The following PIK3CG variants were observed in gnomAD, a reference collection of about 807,000 sequenced individuals.
PIK3CG encodes the protein phosphatidylinositol-4,5-bisphosphate 3-kinase catalytic subunit gamma, also known as phosphatidylinositol 4,5-bisphosphate 3-kinase catalytic subunit gamma isoform.
In PIK3CG, 55 loss-of-function variants were observed where a neutral mutation model predicts 102.3. The observed-to-expected ratio is 0.54, with a 90% CI of 0.43 to 0.67. The LOEUF is 0.67. Ranked by LOEUF, PIK3CG falls within the 30% of genes least tolerant of loss-of-function variation. The pLI is 0.00. For synonymous variants in PIK3CG, 552 were observed against 540.0 expected (o/e 1.02, Z -0.31); for missense variants, 1,258 against 1,391.8 (o/e 0.90, Z 1.53).
rs1238128055 is a variant in PIK3CG at position 106,907,448 on chromosome 7, G to A, written c.*2061G>A. Among the ~76,000 whole-genome samples the A allele has an allele frequency of 6.6e-6, 1 of 152,122 alleles. No homozygotes were observed. The highest frequency in any genetic ancestry group is 2.4e-5 in the African/African-American group (1 of 41,426). On this transcript the variant is annotated 3_prime_UTR_variant, in exon 11 of 11. Transcript: ENST00000496166. ...TGTTTATTCCTATCTATAAATGGAGGATAAACATTTTGTGGCACTTCTGGA... is the reference window on the plus strand; with the variant it reads ...TGTTTATTCCTATCTATAAATGGAGAATAAACATTTTGTGGCACTTCTGGA...
chr7:106,885,226 A>G (rs1791051447), intron 9 of PIK3CG, among the ~76,000 whole-genome samples: 1 of 152,154 alleles, frequency 6.6e-6, no homozygotes, highest in Non-Finnish European at 1.5e-5. Context: ...GAGGCAGGAA[A>G]TGAGTCTTAA....
At position 106,893,232 on chromosome 7, in the gene PIK3CG, C is replaced by G. The variant is rs1791312025; in HGVS notation, c.3030+6940C>G. Among the ~76,000 whole-genome samples the G allele has an allele frequency of 6.6e-6, 1 of 152,172 alleles. No individual in the cohort carries two copies. On this transcript the variant is annotated intron_variant, in intron 10 of 10. Coordinates refer to ENST00000496166, the MANE Select transcript of PIK3CG (RefSeq NM_001282426.2). The surrounding 1 kb of genome is among the most constrained non-coding windows in gnomAD (Gnocchi z 4.4). ...ACTGACTAGGCCAGGCTCAGGCTCCCCTGTCTCAGTGTGAAGACTTTCAGT... is the reference window on the plus strand; with the variant it reads ...ACTGACTAGGCCAGGCTCAGGCTCCGCTGTCTCAGTGTGAAGACTTTCAGT...
Position 106,869,101 on chromosome 7 carries a change from A to G in PIK3CG, c.1540A>G (p.Met514Val), listed in dbSNP as rs199845412. Reference protein sequence around the residue: ...SATNPDKENSMSISILLDNYC... With the variant: ...SATNPDKENSVSISILLDNYC... ...AACTAACCCAGACAAGGAGAACTCAATGTCCATCTCCATTCTTCTGGACAA... is the reference window on the plus strand; with the variant it reads ...AACTAACCCAGACAAGGAGAACTCAGTGTCCATCTCCATTCTTCTGGACAA... The change falls in exon 2 of 11, where the codon ATG (methionine) becomes GTG (valine). Residue 514 changes from methionine (M) to valine (V), a missense_variant. Physicochemically the swap from Met to Val is conservative, Grantham distance 21 (BLOSUM62 1). Around this residue, in one of 2 missense-constraint regions of PIK3CG, gnomAD observed 832 missense variants for 787.5 expected, o/e 1.06. Coordinates refer to ENST00000496166, the MANE Select transcript of PIK3CG (RefSeq NM_001282426.2). This position sits in a 1 kb window ranked among gnomAD's most constrained non-coding sequence, Gnocchi z 5.3. 4.1e-5 allele frequency: 66 copies of G among 1,614,084 alleles called. No homozygotes were observed. Among genetic ancestry groups the G allele is most frequent in the Middle Eastern group, 3.3e-4 (2 of 6,084 alleles).
At chr7:106,885,995 C>A in intron 9 of PIK3CG, 140 bp from the exon 10 acceptor site, 1 of 736,132 alleles carries the variant, frequency 1.4e-6, no homozygotes, top group Non-Finnish European at 2.1e-6. Flanking sequence ...CCTGCTAAGA[C>A]GAAAAATATC....
intron 6 of PIK3CG, among the ~76,000 whole-genome samples, chr7:106,881,531 C>CACA (rs1790934393): frequency 6.6e-6 from 1 of 152,052 alleles, no homozygotes. Context: ...AGGTGATGAA[C>CACA]CACAGCTAAA....
In PIK3CG at chr7:106,905,508, T is replaced by C. The variant is rs1791664578; in HGVS notation, c.*121T>C. 1.1e-6 allele frequency: 1 copy of C among 897,714 alleles called. No homozygotes were observed. Among genetic ancestry groups the C allele is most frequent in the Non-Finnish European group, 1.7e-6 (1 of 590,868 alleles). The allele number at this position is 897,714 out of a possible 1,614,324, so 55.6% of individuals were successfully genotyped here. A position where few individuals can be genotyped will look rare whatever the true frequency, so the allele number is the denominator to read the frequency against. On this transcript the variant is annotated 3_prime_UTR_variant, in exon 11 of 11. Coordinates refer to ENST00000496166, the MANE Select transcript of PIK3CG (RefSeq NM_001282426.2). This position sits in a 1 kb window ranked among gnomAD's most constrained non-coding sequence, Gnocchi z 5.6. ...AAAGCTGGCATTTCAGAAGTATAGCTCTTTTCCTACCTGAACTCTTCCCTG... is the reference window on the plus strand; with the variant it reads ...AAAGCTGGCATTTCAGAAGTATAGCCCTTTTCCTACCTGAACTCTTCCCTG...
At position 106,868,637 on chromosome 7, in the gene PIK3CG, G is replaced by T. The variant is rs144565710; in HGVS notation, c.1076G>T (p.Arg359Leu). ...VFTVSLWDCD[R>L]KFRVKIRGID... ...ACCGTGTCCCTGTGGGACTGCGACC[G>T]CAAGTTCAGGGTCAAGATCAGAGGC... Residue 359 changes from arginine to leucine, a missense_variant, in exon 2 of 11, where the codon CGC becomes CTC. By Grantham distance (102) the Arg-to-Leu change is moderately radical. Around this residue, in one of 2 missense-constraint regions of PIK3CG, gnomAD observed 832 missense variants for 787.5 expected, o/e 1.06. Coordinates refer to ENST00000496166, the MANE Select transcript of PIK3CG (RefSeq NM_001282426.2). The surrounding 1 kb of genome is among the most constrained non-coding windows in gnomAD (Gnocchi z 6.2). The T allele has an allele frequency of 2.5e-6, 4 of 1,614,200 alleles. No individual in the cohort carries two copies. The highest frequency in any genetic ancestry group is 3.4e-6 in the Non-Finnish European group (4 of 1,180,038).
intron 10 of PIK3CG, among the ~76,000 whole-genome samples, chr7:106,904,523 T>C (rs1791640574): frequency 1.3e-5 from 2 of 152,202 alleles, no homozygotes; most frequent in Non-Finnish European, 2.9e-5. Flanking sequence ...CCATGAGCCA[T>C]AGCATTTTTT....
At position 106,895,788 on chromosome 7, in the gene PIK3CG, G is replaced by A. The variant is rs1364856939; in HGVS notation, c.3031-9321G>A. On this transcript the variant is annotated intron_variant, in intron 10 of 10. Coordinates refer to ENST00000496166, the MANE Select transcript of PIK3CG (RefSeq NM_001282426.2). This position sits in a 1 kb window ranked among gnomAD's most constrained non-coding sequence, Gnocchi z 5.4. ...AAATCTCACCACAACAACATGAAAT[G>A]GGTATCATTCTTATTATTCTTAATC... is the stretch of plus-strand genomic sequence containing the variant. Among the ~76,000 whole-genome samples, 1 of 152,162 alleles carries A rather than the reference G, an allele frequency of 6.6e-6. No individual in the cohort carries two copies. The highest frequency in any genetic ancestry group is 1.5e-5 in the Non-Finnish European group (1 of 68,026).
At position 106,905,213 on chromosome 7, in the gene PIK3CG, A is replaced by G. The variant is rs2116618155; in HGVS notation, c.3135A>G (p.Lys1045=). The change falls in exon 11 of 11, where the codon AAA becomes AAG. Residue 1045 remains lysine (K), a synonymous_variant. Coordinates refer to ENST00000496166, the MANE Select transcript of PIK3CG (RefSeq NM_001282426.2). This position sits in a 1 kb window ranked among gnomAD's most constrained non-coding sequence, Gnocchi z 5.6. The stretch of plus-strand genomic sequence containing the variant: ...CAGGAATGCCCCAGTTAACAAGCAA[A>G]GAAGACATTGAATATATCCGGGATG... ...LMTGMPQLTS[K]EDIEYIRDAL... 5 of 1,614,168 alleles carry G rather than the reference A, an allele frequency of 3.1e-6. No homozygotes were observed. The highest frequency in any genetic ancestry group is 4.2e-6 in the Non-Finnish European group (5 of 1,180,002).
In PIK3CG at chr7:106,907,127, A is replaced by T. The variant is rs544936583; in HGVS notation, c.*1740A>T. 5.4e-6 allele frequency: 1 copy of T among 186,138 alleles called. No individual in the cohort carries two copies. The highest frequency in any genetic ancestry group is 6.2e-5 in the Admixed American group (1 of 16,160). The allele number at this position is 186,138 out of a possible 1,614,324, so 11.5% of individuals were successfully genotyped here. A position where few individuals can be genotyped will look rare whatever the true frequency, so the allele number is the denominator to read the frequency against. On this transcript the variant is annotated 3_prime_UTR_variant, in exon 11 of 11. Transcript: ENST00000496166. The stretch of plus-strand genomic sequence containing the variant: ...CAGAGCGAGACCCTGTCTCAAAAAA[A>T]TAAAATAAAAAATAAAAACACCCTT...
rs1233096819 is a variant in PIK3CG, at chr7:106,867,841, C to T, written c.280C>T (p.His94Tyr). 4 of 1,612,682 alleles carry T rather than the reference C, an allele frequency of 2.5e-6. No homozygotes were observed. The highest frequency in any genetic ancestry group is 3.4e-6 in the Non-Finnish European group (4 of 1,179,974). Residue 94 changes from histidine (H) to tyrosine (Y), a missense_variant, in exon 2 of 11, where the codon CAT becomes TAT. Physicochemically the swap from His to Tyr is moderately conservative, Grantham distance 83. Coordinates refer to ENST00000496166, the MANE Select transcript of PIK3CG (RefSeq NM_001282426.2). The surrounding 1 kb of genome is among the most constrained non-coding windows in gnomAD (Gnocchi z 5.1). ...GGACTTCTACCACCGGCTGGGACCG[C>T]ATCACTTCCTCCTGCTCTATCAGAA... is the stretch of plus-strand genomic sequence containing the variant. Reference protein sequence around the residue: ...AADFYHRLGPHHFLLLYQKKG... With the variant: ...AADFYHRLGPYHFLLLYQKKG...
chr7:106,867,640 AGT>A lies in PIK3CG; in HGVS notation c.81_82del (p.Ala28CysfsTer133). On this transcript the variant is annotated frameshift_variant, in exon 2 of 11. Coordinates refer to ENST00000496166, the MANE Select transcript of PIK3CG (RefSeq NM_001282426.2). LOFTEE classifies it high-confidence loss of function. This position sits in a 1 kb window ranked among gnomAD's most constrained non-coding sequence, Gnocchi z 5.1. ...CRRRRRMKPR[S>X]AAASLSSMEL... The stretch of plus-strand genomic sequence containing the variant: ...AAGGCGCCGGAGGATGAAGCCGCGC[AGT>A]GCTGCGGCCAGCCTGTCCTCCATGG... 1 of 1,613,066 alleles carries A rather than the reference AGT, an allele frequency of 6.2e-7. No homozygotes were observed. Among genetic ancestry groups the A allele is most frequent in the Non-Finnish European group, 8.5e-7 (1 of 1,179,852 alleles).
chr7:106,891,118 G>C lies in PIK3CG; in HGVS notation c.3030+4826G>C, dbSNP rs534134845. 1.3e-5 allele frequency among the ~76,000 whole-genome samples: 2 copies of C among 152,360 alleles called. No individual in the cohort carries two copies. The highest frequency in any genetic ancestry group is 1.3e-4 in the Admixed American group (2 of 15,302). ...CACATGTGTCCTGTGTCCCTCACAA[G>C]GGGCTGAGCCACGGTAAGCACTCAG... On this transcript the variant is annotated intron_variant, in intron 10 of 10. Transcript: ENST00000496166. The surrounding 1 kb of genome is among the most constrained non-coding windows in gnomAD (Gnocchi z 4.4).
intron 10 of PIK3CG, among the ~76,000 whole-genome samples, chr7:106,904,817 C>T (rs1188923702): frequency 2.6e-5 from 4 of 152,180 alleles, no homozygotes; most frequent in African/African-American, 7.2e-5. Flanking sequence ...TGTCTACCCT[C>T]AATCTCTTGG....
Position 106,905,998 on chromosome 7 carries a change from G to C in PIK3CG, c.*611G>C, listed in dbSNP as rs1791674859. The C allele has an allele frequency of 8.8e-6, 2 of 227,306 alleles. No individual in the cohort carries two copies. The highest frequency in any genetic ancestry group is 4.5e-5 in the African/African-American group (2 of 44,850). The allele number at this position is 227,306 out of a possible 1,614,324, so 14.1% of individuals were successfully genotyped here. On this transcript the variant is annotated 3_prime_UTR_variant, in exon 11 of 11. Coordinates refer to ENST00000496166, the MANE Select transcript of PIK3CG (RefSeq NM_001282426.2). The surrounding 1 kb of genome is among the most constrained non-coding windows in gnomAD (Gnocchi z 5.6). ...CAGCAGGAGAAATCTAAACCGTTGT[G>C]CCTTGACCTTCCTCTGCTGGTCTTG... is the stretch of plus-strand genomic sequence containing the variant.
At chr7:106,875,165 A>C (rs1053065159) in intron 5 of PIK3CG, among the ~76,000 whole-genome samples, 8 of 152,128 alleles carry the variant, frequency 5.3e-5, no homozygotes, top group African/African-American at 1.9e-4. Context: ...CCTGGCCAAC[A>C]AGGTGAAACC....
In PIK3CG at chr7:106,883,715, A is replaced by G. The variant is rs557406692; in HGVS notation, c.2761-440A>G. On this transcript the variant is annotated intron_variant, in intron 8 of 10. Coordinates refer to ENST00000496166, the MANE Select transcript of PIK3CG (RefSeq NM_001282426.2). The surrounding 1 kb of genome is among the most constrained non-coding windows in gnomAD (Gnocchi z 5.8). ...CACAGGATTAGCACTTCTCATTTGCATGGTTAGCAGCCTTTTGGGGAGGAA... is the reference window on the plus strand; with the variant it reads ...CACAGGATTAGCACTTCTCATTTGCGTGGTTAGCAGCCTTTTGGGGAGGAA... Among the ~76,000 whole-genome samples the G allele has an allele frequency of 1.1e-3, 173 of 152,278 alleles. 1 individual carries two copies. Among genetic ancestry groups the G allele is most frequent in the Admixed American group, 1.8e-3 (27 of 15,300 alleles).
rs1790672853 is a variant in PIK3CG, at chr7:106,874,855, A to AAG, written c.2391+53_2391+54insGA. On this transcript the variant is annotated intron_variant, in intron 5 of 10. Coordinates refer to ENST00000496166, the MANE Select transcript of PIK3CG (RefSeq NM_001282426.2). This position sits in a 1 kb window ranked among gnomAD's most constrained non-coding sequence, Gnocchi z 4.3. ...TGGTCTTTATGTCTTGAAGATGTCT[A>AAG]ACGTGCTTGCTGGGGCCCAGTACTT... 1.6e-6 allele frequency: 2 copies of AAG among 1,214,252 alleles called. No homozygotes were observed. Among genetic ancestry groups the AAG allele is most frequent in the Non-Finnish European group, 2.4e-6 (2 of 826,610 alleles). The allele number at this position is 1,214,252 out of a possible 1,614,324, so 75.2% of individuals were successfully genotyped here. A position where few individuals can be genotyped will look rare whatever the true frequency, so the allele number is the denominator to read the frequency against.
Sources: gnomAD v4.1 joint callset for allele counts (sites outside exome capture counted in the v4.1 genomes callset) on GRCh38, gnomAD v4.1.1 for gene constraint, gnomAD v4.1.1 regional missense constraint, Gnocchi (gnomAD v3.1) non-coding constraint, MANE v1.5 for transcripts, NCBI Gene and HGNC (gene_info 2026-07-23, HGNC 2026-07-21) for gene names.